Variants in UBE2L3 observed in about 807,000 individuals in gnomAD.
The protein encoded by UBE2L3 is ubiquitin-conjugating enzyme E2 L3.
In UBE2L3, 1 loss-of-function variant was observed where a neutral mutation model predicts 17.8. The ratio of observed to expected loss-of-function variants is 0.06; its 90% CI spans 0.02 to 0.27. The LOEUF is 0.27. UBE2L3 is among the 10% of genes least tolerant of loss of function. The pLI is 1.00. For missense variants in UBE2L3, 40 were observed against 192.6 expected (o/e 0.21, Z 4.69); for synonymous variants, 44 against 68.5 (o/e 0.64, Z 1.76).
chr22:21,596,846 T>G (rs1179950873), intron 2 of UBE2L3, among the ~76,000 whole-genome samples: 1 of 152,184 alleles, frequency 6.6e-6, no homozygotes, highest in Non-Finnish European at 1.5e-5. Flanking sequence ...TGCTAACATT[T>G]GTTATTTTAC....
Position 21,614,496 on chromosome 22 carries a change from C to T in UBE2L3, c.310+3453C>T, listed in dbSNP as rs370469045. The stretch of plus-strand genomic sequence containing the variant: ...CCACCCTCCTGCTGTAATCTTCCAG[C>T]GCTCTTCCTTTGTCTCCAGAGCACC... On this transcript the variant is annotated intron_variant, in intron 3 of 3. Coordinates refer to ENST00000342192, the MANE Select transcript of UBE2L3 (RefSeq NM_003347.4). The T allele has an allele frequency of 1.7e-4, 189 of 1,097,354 alleles. 2 individuals carry two copies. In the Admixed American group the frequency reaches 3.2e-3, roughly 19 times the overall value. 68.0% of individuals were successfully genotyped at this position (1,097,354 alleles called of 1,614,324 possible). A position where few individuals can be genotyped will look rare whatever the true frequency, so the allele number is the denominator to read the frequency against.
At chr22:21,580,478 C>G (rs1470892797) in intron 1 of UBE2L3, among the ~76,000 whole-genome samples, 2 of 152,186 alleles carry the variant, frequency 1.3e-5, no homozygotes, top group Non-Finnish European at 2.9e-5. Context: ...GAGATAGACT[C>G]TCACTCTGTT....
chr22:21,575,313 G>A (rs1210152419), intron 1 of UBE2L3, among the ~76,000 whole-genome samples: 1 of 149,172 alleles, frequency 6.7e-6, no homozygotes, highest in Non-Finnish European at 1.5e-5. Context: ...TTGGCTGGGC[G>A]TGGTGGCTCA....
chr22:21,556,764 T>TA (rs1374933733), intron 1 of UBE2L3, among the ~76,000 whole-genome samples: 167 of 152,174 alleles, frequency 1.1e-3, no homozygotes, highest in African/African-American at 3.3e-3. Flanking sequence ...ACCTGGCCAA[T>TA]AAAAAAATTA....
rs552239274 is a variant in UBE2L3 at position 21,591,760 on chromosome 22, G to C, written c.28-1101G>C. ...TGGAGGGTGCTGGAGCTGGGCCAGA[G>C]GAAGCAGCCTGGCGAAGGAGGCAGG... On this transcript the variant is annotated intron_variant, in intron 1 of 3. Transcript: ENST00000342192. 2.3e-3 allele frequency among the ~76,000 whole-genome samples: 343 copies of C among 152,354 alleles called. 3 individuals are homozygous for C. Among genetic ancestry groups the C allele is most frequent in the African/African-American group, 7.4e-3 (306 of 41,576 alleles).
intron 1 of UBE2L3, among the ~76,000 whole-genome samples, chr22:21,589,268 C>T (rs1928125611): frequency 6.6e-6 from 1 of 151,736 alleles, no homozygotes; most frequent in African/African-American, 2.4e-5. Flanking sequence ...GCCTCAGCCT[C>T]CCGAGTAGCT....
At chr22:21,555,942 A>G (rs1404375483) in intron 1 of UBE2L3, among the ~76,000 whole-genome samples, 1 of 152,172 alleles carries the variant, frequency 6.6e-6, no homozygotes, top group Non-Finnish European at 1.5e-5. Flanking sequence ...AAAGAGAAAT[A>G]AAATAATTGT....
chr22:21,610,846 T>C lies in UBE2L3; in HGVS notation c.124-11T>C. The C allele has an allele frequency of 1.9e-6, 3 of 1,593,968 alleles. No homozygotes were observed. In the South Asian group the frequency reaches 3.4e-5, roughly 18 times the overall value. On this transcript the variant is annotated splice_polypyrimidine_tract_variant and intron_variant, in intron 2 of 3. Transcript: ENST00000342192. ...CATGGTGTGTTCATTTTGATCTCTC[T>C]TTCCTTCCAGGACAACCCTCCATAT... is the stretch of plus-strand genomic sequence containing the variant.
intron 1 of UBE2L3, among the ~76,000 whole-genome samples, chr22:21,568,864 G>A (rs1926796815): frequency 6.6e-6 from 1 of 152,194 alleles, no homozygotes. Flanking sequence ...CATTCCCTCC[G>A]TCCCTGGGAA....
At chr22:21,562,378 T>TTC (rs1397559954) in intron 1 of UBE2L3, among the ~76,000 whole-genome samples, 2 of 144,108 alleles carry the variant, frequency 1.4e-5, no homozygotes, top group African/African-American at 5.3e-5. Flanking sequence ...CTTTTTTTCT[T>TTC]TTTTTTTTTT....
chr22:21,587,596 A>G (rs1928017398), intron 1 of UBE2L3, among the ~76,000 whole-genome samples: 1 of 152,206 alleles, frequency 6.6e-6, no homozygotes. Flanking sequence ...AAGAAGCAAA[A>G]GAGGAACTTT....
intron 1 of UBE2L3, among the ~76,000 whole-genome samples, chr22:21,581,416 CT>C (rs1468185767): frequency 1.3e-5 from 2 of 152,058 alleles, no homozygotes; most frequent in African/African-American, 4.8e-5. Context: ...TCTTGAACTC[CT>C]GGCCTCAAGC....
At chr22:21,572,470 C>G (rs1927033200) in intron 1 of UBE2L3, among the ~76,000 whole-genome samples, 1 of 150,856 alleles carries the variant, frequency 6.6e-6, no homozygotes, top group Admixed American at 6.6e-5. Flanking sequence ...ACTCTTGTCT[C>G]AGGGTACTGG....
chr22:21,556,772 T>C (rs1167676413), intron 1 of UBE2L3, among the ~76,000 whole-genome samples: 10 of 152,120 alleles, frequency 6.6e-5, no homozygotes, highest in Non-Finnish European at 1.3e-4. Flanking sequence ...AATAAAAAAA[T>C]TAATAGGCTG....
upstream of UBE2L3, chr22:21,567,644 GC>G: frequency 6.5e-7 from 1 of 1,545,844 alleles, no homozygotes; most frequent in South Asian, 1.2e-5. Context: ...CTGCTCCTGT[GC>G]CCCGCCCCGC....
chr22:21,588,188 CCTAA>C (rs1285575305), intron 1 of UBE2L3, among the ~76,000 whole-genome samples: 1 of 152,312 alleles, frequency 6.6e-6, no homozygotes, highest in East Asian at 1.9e-4. Flanking sequence ...CTTTGGTCTT[CCTAA>C]CTCTGTTCTA....
chr22:21,591,041 T>C (rs540352749), intron 1 of UBE2L3, among the ~76,000 whole-genome samples: 1 of 152,280 alleles, frequency 6.6e-6, no homozygotes, highest in East Asian at 1.9e-4. Flanking sequence ...TGCCCAGGCT[T>C]CATAATCCCC....
chr22:21,590,862 C>T (rs1568978614), intron 1 of UBE2L3, among the ~76,000 whole-genome samples: 1 of 152,194 alleles, frequency 6.6e-6, no homozygotes, highest in Non-Finnish European at 1.5e-5. Context: ...GCCCCAGCTT[C>T]CCATCCACCC....
intron 1 of UBE2L3, among the ~76,000 whole-genome samples, chr22:21,580,834 C>T (rs1278673177): frequency 6.6e-6 from 1 of 151,762 alleles, no homozygotes; most frequent in African/African-American, 2.4e-5. Context: ...ATCTGCCGGC[C>T]TCAGCCTCCC....
Sources: allele counts gnomAD v4.1 joint callset (sites outside exome capture counted in the v4.1 genomes callset), GRCh38; gene constraint gnomAD v4.1.1; transcripts MANE v1.5; gene names NCBI Gene and HGNC (gene_info 2026-07-23, HGNC 2026-07-21).